Variants in PTPRT observed in about 807,000 individuals in gnomAD.
The protein encoded by PTPRT is protein tyrosine phosphatase receptor type T, also known as receptor-type tyrosine-protein phosphatase T.
A neutral mutation model predicts 176.8 loss-of-function variants in PTPRT; 56 were observed. The observed-to-expected ratio is 0.32, with a 90% CI of 0.26 to 0.40. The LOEUF (loss-of-function observed/expected upper bound fraction) is 0.40. Among genes scored for constraint, PTPRT ranks in the 10% least tolerant of loss-of-function variants. The pLI, the probability that PTPRT is intolerant of heterozygous loss-of-function variation, is 1.00. For missense variants in PTPRT, 1,540 were observed against 1,908.2 expected (o/e 0.81, Z 3.60); for synonymous variants, 783 against 739.0 (o/e 1.06, Z -0.96).
intron 1 of PTPRT, among the ~76,000 whole-genome samples, chr20:43,035,703 A>C (rs1275737773): frequency 6.6e-6 from 1 of 152,236 alleles, no homozygotes; most frequent in Non-Finnish European, 1.5e-5. Context: ...TGGATGTCAA[A>C]GCTAAAAGAT....
chr20:42,623,186 C>T (rs539477278), intron 7 of PTPRT, among the ~76,000 whole-genome samples: 16 of 152,328 alleles, frequency 1.1e-4, no homozygotes, highest in African/African-American at 3.6e-4. Context: ...AACAAGAACC[C>T]GGGTGCCAAG....
rs777761268 is a variant in PTPRT at position 42,577,923 on chromosome 20, CTGTGTGTGTGTGTGTG to C, written c.1153+99927_1153+99942del. On this transcript the variant is annotated intron_variant, in intron 7 of 30. Transcript: ENST00000373187. ...GAAAAACCTTCAGACCTGAGCGAGG[CTGTGTGTGTGTGTGTG>C]TGTGTGTGTGTGTGTGTGTGTGTGT... 4.7e-3 allele frequency among the ~76,000 whole-genome samples: 526 copies of C among 111,326 alleles called. 1 individual carries two copies. Among genetic ancestry groups the C allele is most frequent in the Middle Eastern group, 9.4e-3 (2 of 212 alleles). The allele number at this position is 111,326 out of a possible 152,430, so 73.0% of individuals were successfully genotyped here.
At chr20:42,116,469 C>A (rs1282256236) in intron 21 of PTPRT, among the ~76,000 whole-genome samples, 1 of 152,164 alleles carries the variant, frequency 6.6e-6, no homozygotes, top group African/African-American at 2.4e-5. Context: ...AGTGCTGAAA[C>A]CTCTCTGAGC....
rs550916716 is a variant in PTPRT, at chr20:42,077,899, A to G, written c.*2980T>C. ...AATGATAAAAGCCACTGTCTTTTGTATCTGCCAGCTATTTCACCCCTTCCT... is the reference window on the plus strand; with the variant it reads ...AATGATAAAAGCCACTGTCTTTTGTGTCTGCCAGCTATTTCACCCCTTCCT... On this transcript the variant is annotated 3_prime_UTR_variant, in exon 31 of 31. Transcript: ENST00000373187. 70 of 202,878 alleles carry G rather than the reference A, an allele frequency of 3.5e-4. No individual in the cohort carries two copies. In the East Asian group the frequency reaches 5.2e-3, roughly 15 times the overall value. The allele number at this position is 202,878 out of a possible 1,614,324, so 12.6% of individuals were successfully genotyped here. A position where few individuals can be genotyped will look rare whatever the true frequency, so the allele number is the denominator to read the frequency against.
chr20:42,711,902 G>A (rs533959972), intron 6 of PTPRT, among the ~76,000 whole-genome samples: 1 of 151,848 alleles, frequency 6.6e-6, no homozygotes, highest in African/African-American at 2.4e-5. Context: ...GGCTACCACT[G>A]ATAGAACCAA....
intron 13 of PTPRT, among the ~76,000 whole-genome samples, chr20:42,262,070 G>A (rs542586849): frequency 3.3e-5 from 5 of 152,188 alleles, no homozygotes; most frequent in Non-Finnish European, 5.9e-5. Flanking sequence ...CCCGTGCAAC[G>A]GTAATAAAAT....
chr20:42,792,049 G>C (rs747345525), intron 2 of PTPRT, among the ~76,000 whole-genome samples: 2 of 152,198 alleles, frequency 1.3e-5, no homozygotes. Context: ...TGGGCTTGCC[G>C]TCTTGCACTA....
At chr20:42,899,902 C>G (rs561693907) in intron 1 of PTPRT, among the ~76,000 whole-genome samples, 1 of 152,142 alleles carries the variant, frequency 6.6e-6, no homozygotes, top group Non-Finnish European at 1.5e-5. Context: ...AAAATGGGAA[C>G]AATAATGATA....
chr20:42,220,053 T>A (rs181009681), intron 15 of PTPRT, among the ~76,000 whole-genome samples: 85 of 131,718 alleles, frequency 6.5e-4, no homozygotes, highest in African/African-American at 2.1e-3. Flanking sequence ...ATATATATAT[T>A]TTTCAACATA....
chr20:42,913,848 G>A (rs986428096), intron 1 of PTPRT, among the ~76,000 whole-genome samples: 2 of 152,306 alleles, frequency 1.3e-5, no homozygotes, highest in East Asian at 3.9e-4. Flanking sequence ...TGGGTTGCTT[G>A]CTAATTTTAA....
chr20:42,870,977 G>T (rs1290565098), intron 2 of PTPRT, among the ~76,000 whole-genome samples: 3 of 148,990 alleles, frequency 2.0e-5, no homozygotes, highest in Non-Finnish European at 4.4e-5. Flanking sequence ...TTGAGATAGA[G>T]GCTTGCTCTG....
At chr20:42,714,483 T>C (rs1355230355) in intron 6 of PTPRT, among the ~76,000 whole-genome samples, 1 of 152,136 alleles carries the variant, frequency 6.6e-6, no homozygotes, top group Non-Finnish European at 1.5e-5. Flanking sequence ...GAGATCATAG[T>C]ATAAAGTACA....
chr20:42,308,279 C>G (rs2057574949), intron 12 of PTPRT, among the ~76,000 whole-genome samples: 1 of 152,118 alleles, frequency 6.6e-6, no homozygotes, highest in Non-Finnish European at 1.5e-5. Flanking sequence ...CTTTCTTCCA[C>G]AAGAACCAAG....
intron 9 of PTPRT, among the ~76,000 whole-genome samples, chr20:42,444,000 T>A (rs372285969): frequency 4.1e-4 from 63 of 152,240 alleles, no homozygotes; most frequent in African/African-American, 1.4e-3. Context: ...GAATATAAAT[T>A]GGATCCCTTC....
At chr20:42,161,004 G>T (rs1380846078) in intron 17 of PTPRT, among the ~76,000 whole-genome samples, 1 of 152,128 alleles carries the variant, frequency 6.6e-6, no homozygotes, top group South Asian at 2.1e-4. Context: ...GAGCCATTCT[G>T]GCATAGTGAA....
At chr20:42,433,970 G>T (rs1227048076) in intron 9 of PTPRT, among the ~76,000 whole-genome samples, 1 of 151,990 alleles carries the variant, frequency 6.6e-6, no homozygotes, top group Admixed American at 6.6e-5. Context: ...CGAATAAAGT[G>T]ATTTGAAAGT....
chr20:42,704,023 C>A (rs1483088680), intron 6 of PTPRT, among the ~76,000 whole-genome samples: 1 of 152,152 alleles, frequency 6.6e-6, no homozygotes, highest in African/African-American at 2.4e-5. Context: ...TGATAAGGAA[C>A]AAGATGACTT....
intron 7 of PTPRT, among the ~76,000 whole-genome samples, chr20:42,658,830 C>T (rs2075171497): frequency 6.6e-6 from 1 of 152,044 alleles, no homozygotes; most frequent in Non-Finnish European, 1.5e-5. Context: ...TTAATATTTG[C>T]ATTTATTGAA....
At chr20:42,446,314 T>C (rs1447684432) in intron 9 of PTPRT, among the ~76,000 whole-genome samples, 1 of 152,214 alleles carries the variant, frequency 6.6e-6, no homozygotes, top group Non-Finnish European at 1.5e-5. Flanking sequence ...GGATGGACTT[T>C]TATTCTGAAA....
Sources: allele counts gnomAD v4.1 joint callset (sites outside exome capture counted in the v4.1 genomes callset), GRCh38; gene constraint gnomAD v4.1.1; transcripts MANE v1.5; gene names NCBI Gene and HGNC (gene_info 2026-07-23, HGNC 2026-07-21).